The following CAMKMT variants were observed in gnomAD, a reference collection of about 807,000 sequenced individuals.
CAMKMT encodes calmodulin-lysine N-methyltransferase.
Under a neutral mutation model 48.0 loss-of-function variants are expected in CAMKMT, and 53 were observed. The ratio of observed to expected loss-of-function variants is 1.10; its 90% CI spans 0.89 to 1.39. CAMKMT has a LOEUF of 1.39. CAMKMT is among the 40% of genes most tolerant of loss of function. The probability of loss-of-function intolerance (pLI) is 0.00; values close to 1 mark genes in which losing one functional copy is unlikely to be tolerated. For synonymous variants in CAMKMT, 165 were observed against 152.3 expected (o/e 1.08, Z -0.61); for missense variants, 428 against 402.7 (o/e 1.06, Z -0.54).
In CAMKMT at chr2:44,377,658, CCTT is replaced by C. The variant is rs1173276009; in HGVS notation, c.311+4774_311+4776del. On this transcript the variant is annotated intron_variant, in intron 2 of 10. Transcript: ENST00000378494. ...GAGAAAGCTGAGAGGCCTGAACTGT[CCTT>C]CTTTGTTTGAAGAAGACTACTGTTA... is the stretch of plus-strand genomic sequence containing the variant. Among the ~76,000 whole-genome samples, 10 of 152,026 alleles carry C rather than the reference CCTT, an allele frequency of 6.6e-5. No individual in the cohort carries two copies. In the East Asian group the frequency reaches 7.7e-4, roughly 12 times the overall value.
chr2:44,751,163 G>T (rs1680138157), intron 8 of CAMKMT, among the ~76,000 whole-genome samples: 1 of 152,166 alleles, frequency 6.6e-6, no homozygotes, highest in African/African-American at 2.4e-5. Flanking sequence ...AAAAGGGAGA[G>T]ATCACTATGG....
chr2:44,679,067 T>G (rs1312795284), intron 3 of CAMKMT, among the ~76,000 whole-genome samples: 1 of 152,122 alleles, frequency 6.6e-6, no homozygotes, highest in Non-Finnish European at 1.5e-5. Context: ...TTCCCAAAAC[T>G]CTTTTGAATA....
At chr2:44,377,618 C>T (rs1441833337) in intron 2 of CAMKMT, among the ~76,000 whole-genome samples, 6 of 152,004 alleles carry the variant, frequency 3.9e-5, no homozygotes, top group African/African-American at 1.2e-4. Flanking sequence ...TAAGTGTATA[C>T]GTGTCTTAGG....
In CAMKMT at chr2:44,657,562, AATAG is replaced by A. The variant is rs1194656405; in HGVS notation, c.377-46718_377-46715del. 6.6e-6 allele frequency among the ~76,000 whole-genome samples: 1 copy of A among 152,216 alleles called. No homozygotes were observed. The highest frequency in any genetic ancestry group is 1.9e-4 in the East Asian group (1 of 5,196). ...ATTAAACTAAGTCTTCAAGTTCATG[AATAG>A]ATGGACATAGAACTTTTTTCGGAAC... On this transcript the variant is annotated intron_variant, in intron 3 of 10. Coordinates refer to ENST00000378494, the MANE Select transcript of CAMKMT (RefSeq NM_024766.5). This position sits in a 1 kb window ranked among gnomAD's most constrained non-coding sequence, Gnocchi z 4.3.
chr2:44,766,408 A>G (rs1680842310), intron 9 of CAMKMT, 22 bp from the exon 10 acceptor site: 1 of 1,613,066 alleles, frequency 6.2e-7, no homozygotes, highest in Non-Finnish European at 8.5e-7. Context: ...AAAATATGTG[A>G]ATTTCCTTTT....
intron 3 of CAMKMT, among the ~76,000 whole-genome samples, chr2:44,414,592 T>C (rs949200338): frequency 4.1e-4 from 62 of 152,150 alleles, no homozygotes; most frequent in Admixed American, 2.0e-4. Flanking sequence ...TCATAGTCTT[T>C]TATAACCTAA....
intron 3 of CAMKMT, among the ~76,000 whole-genome samples, chr2:44,542,643 T>A (rs1264703732): frequency 6.6e-6 from 1 of 151,822 alleles, no homozygotes; most frequent in Non-Finnish European, 1.5e-5. Context: ...AAGATCTAAA[T>A]GAGTTAGTTG....
Position 44,362,025 on chromosome 2 carries a change from G to A in CAMKMT, c.18G>A (p.Ala6=), listed in dbSNP as rs757665214. The A allele has an allele frequency of 2.1e-6, 3 of 1,415,666 alleles. No individual in the cohort carries two copies. The highest frequency in any genetic ancestry group is 2.8e-6 in the Non-Finnish European group (3 of 1,090,166). The allele number at this position is 1,415,666 out of a possible 1,614,324, so 87.7% of individuals were successfully genotyped here. The change falls in exon 1 of 11, where the codon GCG becomes GCA. Residue 6 remains alanine (A), a synonymous_variant. Coordinates refer to ENST00000378494, the MANE Select transcript of CAMKMT (RefSeq NM_024766.5). The stretch of plus-strand genomic sequence containing the variant: ...CCAGTGAGATGGAGTCGCGAGTCGC[G>A]GACGCTGGGACCGGCGAGACCGCGC... MESRV[A]DAGTGETARA...
At chr2:44,730,026 C>G (rs908761865) in intron 7 of CAMKMT, among the ~76,000 whole-genome samples, 9 of 152,210 alleles carry the variant, frequency 5.9e-5, no homozygotes, top group African/African-American at 1.9e-4. Flanking sequence ...TGGAGAAGTT[C>G]TCCTTAATGA....
intron 3 of CAMKMT, among the ~76,000 whole-genome samples, chr2:44,479,035 C>T (rs1311440879): frequency 6.6e-6 from 1 of 152,166 alleles, no homozygotes; most frequent in African/African-American, 2.4e-5. Context: ...TGCTGACATC[C>T]TTGGTACATA....
intron 3 of CAMKMT, among the ~76,000 whole-genome samples, chr2:44,502,328 G>A (rs1670048633): frequency 6.6e-6 from 1 of 152,002 alleles, no homozygotes; most frequent in African/African-American, 2.4e-5. Context: ...GCTCTTGTGT[G>A]CCCTGTGACT....
At chr2:44,632,454 A>G (rs986782475) in intron 3 of CAMKMT, among the ~76,000 whole-genome samples, 2 of 152,238 alleles carry the variant, frequency 1.3e-5, no homozygotes, top group African/African-American at 2.4e-5. Flanking sequence ...ACATGATGTT[A>G]TAGATACACA....
At chr2:44,505,842 CTTTATTTA>C (rs59024414) in intron 3 of CAMKMT, among the ~76,000 whole-genome samples, 8,207 of 148,342 alleles carry the variant, frequency 0.055, 270 homozygotes, top group South Asian at 0.07. Context: ...AGTTTATTTA[CTTTATTTA>C]TTTATTTATT....
chr2:44,470,993 TC>T (rs1473741673), intron 3 of CAMKMT, among the ~76,000 whole-genome samples: 113 of 108,278 alleles, frequency 1.0e-3, no homozygotes, highest in Non-Finnish European at 1.8e-3. Context: ...TCTCTCTCTC[TC>T]TTTTTTTTTT....
chr2:44,538,483 T>C (rs1666905268), intron 3 of CAMKMT, among the ~76,000 whole-genome samples: 1 of 152,132 alleles, frequency 6.6e-6, no homozygotes, highest in South Asian at 2.1e-4. Flanking sequence ...GCAACTTGGA[T>C]TGAGTTGGAG....
chr2:44,484,277 C>G (rs1176001399), intron 3 of CAMKMT, among the ~76,000 whole-genome samples: 1 of 151,388 alleles, frequency 6.6e-6, no homozygotes, highest in Non-Finnish European at 1.5e-5. Flanking sequence ...TCAAAATCAT[C>G]TGGAAGAAAA....
chr2:44,422,312 T>C (rs1558600480), intron 3 of CAMKMT, among the ~76,000 whole-genome samples: 1 of 152,248 alleles, frequency 6.6e-6, no homozygotes, highest in Non-Finnish European at 1.5e-5. Context: ...CTTTTCTTTA[T>C]AAATTACCCA....
chr2:44,445,016 T>C (rs1268442001), intron 3 of CAMKMT, among the ~76,000 whole-genome samples: 3 of 152,066 alleles, frequency 2.0e-5, no homozygotes, highest in Non-Finnish European at 4.4e-5. Context: ...TAGAGGCAGA[T>C]GATAATAGAG....
chr2:44,546,402 C>G (rs902236421), intron 3 of CAMKMT, among the ~76,000 whole-genome samples: 1 of 152,174 alleles, frequency 6.6e-6, no homozygotes, highest in East Asian at 1.9e-4. Flanking sequence ...CATTCTGCCA[C>G]GACCATTTCC....
Sources: gnomAD v4.1 joint callset for allele counts (sites outside exome capture counted in the v4.1 genomes callset) on GRCh38, gnomAD v4.1.1 for gene constraint, Gnocchi (gnomAD v3.1) non-coding constraint, MANE v1.5 for transcripts, NCBI Gene and HGNC (gene_info 2026-07-23, HGNC 2026-07-21) for gene names.